PCDH11Y: variants seen among roughly 807,000 people sequenced by gnomAD.
PCDH11Y encodes the protein protocadherin-11 Y-linked.
For missense variants in PCDH11Y, 12 were observed against 224.8 expected (o/e 0.05, Z 6.05); for synonymous variants, 9 against 83.6 (o/e 0.11, Z 4.87).
intron 2 of PCDH11Y, among the ~76,000 whole-genome samples, chrY:5,273,555 A>G (rs2053039967): frequency 2.9e-5 from 1 of 34,067 alleles, no homozygotes; most frequent in Non-Finnish European, 7.3e-5. Context: ...TCTGGTTGAC[A>G]ATTGGTTGAG....
intron 3 of PCDH11Y, among the ~76,000 whole-genome samples, chrY:5,578,266 AT>A (rs2053448091): frequency 3.0e-5 from 1 of 33,895 alleles, no homozygotes; most frequent in Non-Finnish European, 7.4e-5. Context: ...GAAGAATTGA[AT>A]CTTTTTGGCA....
chrY:5,539,891 G>C (rs2053404671), intron 3 of PCDH11Y, among the ~76,000 whole-genome samples: 1 of 32,527 alleles, frequency 3.1e-5, no homozygotes, highest in African/African-American at 1.2e-4. Context: ...CGACCTTGGA[G>C]TTGATTTTAT....
At chrY:5,615,677 A>G in intron 4 of PCDH11Y, among the ~76,000 whole-genome samples, 1 of 33,713 alleles carries the variant, frequency 3.0e-5, no homozygotes, top group Admixed American at 2.7e-4. Flanking sequence ...TAGAGCATCA[A>G]TTAGTAAACT....
intron 2 of PCDH11Y, among the ~76,000 whole-genome samples, chrY:5,343,136 C>T: frequency 3.0e-5 from 1 of 33,421 alleles, no homozygotes; most frequent in Non-Finnish European, 7.4e-5. Context: ...AGTATAAACA[C>T]GTATCTTTTC....
intron 3 of PCDH11Y, among the ~76,000 whole-genome samples, chrY:5,502,888 C>A (rs2053355132): frequency 3.0e-5 from 1 of 32,901 alleles, no homozygotes; most frequent in Non-Finnish European, 7.6e-5. Context: ...GAGTAAGCAT[C>A]CACAGTGCAC....
chrY:5,385,559 G>C, intron 2 of PCDH11Y, among the ~76,000 whole-genome samples: 1 of 32,568 alleles, frequency 3.1e-5, no homozygotes, highest in African/African-American at 1.2e-4. Context: ...GGGCATTTGG[G>C]CTGGTTCCAT....
chrY:5,185,811 C>A (rs2124647597), intron 2 of PCDH11Y, among the ~76,000 whole-genome samples: 1 of 13,157 alleles, frequency 7.6e-5, no homozygotes, highest in African/African-American at 3.0e-4. Context: ...TGGAAATTAT[C>A]CCTGAGGTGC....
chrY:5,533,984 C>T (rs2053397523), intron 3 of PCDH11Y, among the ~76,000 whole-genome samples: 1 of 33,135 alleles, frequency 3.0e-5, no homozygotes, highest in Non-Finnish European at 7.4e-5. Flanking sequence ...TTTTGTTTCT[C>T]ATCAAATCTG....
At chrY:5,700,148 A>G in intron 4 of PCDH11Y, among the ~76,000 whole-genome samples, 5 of 32,953 alleles carry the variant, frequency 1.5e-4, no homozygotes, top group Admixed American at 5.5e-4. Context: ...CTTCTCCTCC[A>G]TAGTAGGATT....
At chrY:5,519,873 G>T in intron 3 of PCDH11Y, among the ~76,000 whole-genome samples, 1 of 23,706 alleles carries the variant, frequency 4.2e-5, no homozygotes, top group African/African-American at 1.7e-4. Context: ...TATTTTCAAA[G>T]ATTACCATTC....
chrY:5,491,046 G>A, intron 2 of PCDH11Y, among the ~76,000 whole-genome samples: 1 of 33,918 alleles, frequency 2.9e-5, no homozygotes, highest in Admixed American at 2.6e-4. Flanking sequence ...GGGCCTGAAG[G>A]TGTCCTTTGG....
chrY:5,447,292 A>G (rs2124682332), intron 2 of PCDH11Y, among the ~76,000 whole-genome samples: 1 of 30,088 alleles, frequency 3.3e-5, no homozygotes, highest in Admixed American at 3.1e-4. Context: ...AAGAACTTCA[A>G]TAAGTTATGT....
At chrY:5,028,877 G>T (rs2052583710) in intron 1 of PCDH11Y, among the ~76,000 whole-genome samples, 2 of 33,043 alleles carry the variant, frequency 6.1e-5, no homozygotes, top group Admixed American at 2.8e-4. Flanking sequence ...AACTAATGAG[G>T]ATGGTTTTGT....
chrY:5,334,629 T>C, intron 2 of PCDH11Y, among the ~76,000 whole-genome samples: 2 of 33,723 alleles, frequency 5.9e-5, no homozygotes, highest in Admixed American at 2.7e-4. Context: ...ATCAATCGTA[T>C]ATTTAAAAGG....
At chrY:5,043,576 T>G in intron 3 of PCDH11Y, among the ~76,000 whole-genome samples, 1 of 33,569 alleles carries the variant, frequency 3.0e-5, no homozygotes, top group Non-Finnish European at 7.4e-5. Flanking sequence ...AATTCTCTTT[T>G]TTGGTTGTGT....
intron 4 of PCDH11Y, among the ~76,000 whole-genome samples, chrY:5,604,266 A>G: frequency 3.0e-5 from 1 of 33,079 alleles, no homozygotes; most frequent in African/African-American, 1.2e-4. Context: ...ATGAGTGACC[A>G]TATTTTGTCT....
chrY:5,591,726 G>T (rs2124698519), intron 4 of PCDH11Y, among the ~76,000 whole-genome samples: 9 of 32,746 alleles, frequency 2.7e-4, no homozygotes, highest in Non-Finnish European at 7.5e-5. Flanking sequence ...CTGCTATATT[G>T]TATCTGTGTT....
At chrY:5,627,142 G>A (rs2053507759) in intron 4 of PCDH11Y, among the ~76,000 whole-genome samples, 3 of 30,427 alleles carry the variant, frequency 9.9e-5, no homozygotes, top group African/African-American at 3.9e-4. Context: ...ACAGGTGCCC[G>A]CCACCATACA....
chrY:5,713,110 G>C, intron 4 of PCDH11Y, among the ~76,000 whole-genome samples: 1 of 15,796 alleles, frequency 6.3e-5, no homozygotes, highest in Admixed American at 6.9e-4. Context: ...GAAATTAGAG[G>C]GGGGAGAGAG....
Sources: allele counts gnomAD v4.1 joint callset (sites outside exome capture counted in the v4.1 genomes callset), GRCh38; gene constraint gnomAD v4.1.1; transcripts MANE v1.5; gene names NCBI Gene and HGNC (gene_info 2026-07-23, HGNC 2026-07-21).